Variants in TMEM182 observed in about 807,000 individuals in gnomAD.
TMEM182 encodes transmembrane protein 182.
In TMEM182, 20 loss-of-function variants were observed where a neutral mutation model predicts 26.8. The ratio of observed to expected loss-of-function variants is 0.75; its 90% CI spans 0.53 to 1.09. TMEM182 has a LOEUF of 1.09. Ranked by LOEUF, TMEM182 falls within the 50% of genes least tolerant of loss-of-function variation. TMEM182 has a pLI of 0.00. For missense variants in TMEM182, 277 were observed against 275.5 expected (o/e 1.01, Z -0.04); for synonymous variants, 109 against 102.2 (o/e 1.07, Z -0.40).
At chr2:102,795,093 C>T (rs2540282) in intron 3 of TMEM182, among the ~76,000 whole-genome samples, 46,308 of 151,992 alleles carry the variant, frequency 0.3, 7,247 homozygotes, top group South Asian at 0.42. Flanking sequence ...GAGTCCATTG[C>T]ATGGGTTTAA....
chr2:102,813,268 C>T (rs766508458), intron 4 of TMEM182, among the ~76,000 whole-genome samples: 2 of 152,136 alleles, frequency 1.3e-5, no homozygotes, highest in Non-Finnish European at 2.9e-5. Flanking sequence ...ATTGATGGCC[C>T]AGGAGAGAGA....
chr2:102,829,833 T>G (rs540784333), intron 3 of TMEM182, among the ~76,000 whole-genome samples: 4 of 152,180 alleles, frequency 2.6e-5, no homozygotes, highest in Non-Finnish European at 5.9e-5. Flanking sequence ...ATCACATATT[T>G]TGCTTGACCA....
At chr2:102,791,825 G>A (rs1055113828) in intron 3 of TMEM182, among the ~76,000 whole-genome samples, 1 of 151,924 alleles carries the variant, frequency 6.6e-6, no homozygotes, top group Non-Finnish European at 1.5e-5. Context: ...CTTCTACTAG[G>A]CACAGTCCAA....
In TMEM182 at chr2:102,814,962, T is replaced by A; in HGVS notation, c.684T>A (p.His228Gln). 1 of 1,613,738 alleles carries A rather than the reference T, an allele frequency of 6.2e-7. No homozygotes were observed. Among genetic ancestry groups the A allele is most frequent in the South Asian group, 1.1e-5 (1 of 91,034 alleles). Residue 228 changes from histidine (H) to glutamine (Q), a missense_variant, in exon 5 of 5, where the codon CAT becomes CAA. Physicochemically the swap from His to Gln is conservative, Grantham distance 24. Coordinates refer to ENST00000412401, the MANE Select transcript of TMEM182 (RefSeq NM_144632.5). ...TTGTTGGATGGCATATTCAGATACATCACTAAATCAACTGTTGCCACAAGT... is the reference window on the plus strand; with the variant it reads ...TTGTTGGATGGCATATTCAGATACAACACTAAATCAACTGTTGCCACAAGT... ...FLVVGWHIQI[H>Q]H
intron 3 of TMEM182, chr2:102,797,636 A>G (rs1681924091): frequency 1.8e-5 from 9 of 494,826 alleles, no homozygotes; most frequent in Non-Finnish European, 2.8e-5. Context: ...TGGTACAAAC[A>G]TTGAGCAAGA....
At chr2:102,797,074 T>C (rs1385237658) in intron 3 of TMEM182, among the ~76,000 whole-genome samples, 1 of 152,216 alleles carries the variant, frequency 6.6e-6, no homozygotes, top group African/African-American at 2.4e-5. Context: ...TTCCTTTTTG[T>C]TTGATTACCA....
In TMEM182 at chr2:102,762,041, G is replaced by A; in HGVS notation, c.-177G>A. The A allele has an allele frequency of 1.9e-6, 1 of 531,682 alleles. No individual in the cohort carries two copies. The highest frequency in any genetic ancestry group is 2.1e-5 in the South Asian group (1 of 46,798). The allele number at this position is 531,682 out of a possible 1,614,324, so 32.9% of individuals were successfully genotyped here. ...GAGCAAAGGGAATATGAATCTGCCG[G>A]TGGGGCGTGAGCGAGAAGCCACCAA... is the stretch of plus-strand genomic sequence containing the variant. On this transcript the variant is annotated 5_prime_UTR_variant, in exon 1 of 5. The change creates a new upstream start codon in the 5' untranslated region. Transcript: ENST00000412401.
At chr2:102,823,868 C>T (rs972692749) in intron 3 of TMEM182, among the ~76,000 whole-genome samples, 2 of 152,226 alleles carry the variant, frequency 1.3e-5, no homozygotes, top group Non-Finnish European at 2.9e-5. Flanking sequence ...AATGGGAATA[C>T]TCAGCTTTCT....
At chr2:102,746,281 C>A (rs1032086061) in intron 1 of TMEM182, among the ~76,000 whole-genome samples, 1 of 151,272 alleles carries the variant, frequency 6.6e-6, no homozygotes, top group African/African-American at 2.4e-5. Flanking sequence ...TTTTTAATTG[C>A]GATTTTTTTT....
intron 1 of TMEM182, among the ~76,000 whole-genome samples, chr2:102,750,600 A>G (rs1679850123): frequency 6.6e-6 from 1 of 152,200 alleles, no homozygotes; most frequent in Non-Finnish European, 1.5e-5. Flanking sequence ...GGGTGAATGA[A>G]TAAGAACTTG....
chr2:102,765,706 A>G (rs1488914734), intron 3 of TMEM182, among the ~76,000 whole-genome samples: 1 of 152,212 alleles, frequency 6.6e-6, no homozygotes. Context: ...TAGGACACTT[A>G]TAAAGAGGGT....
chr2:102,801,572 A>G (rs1028899591), intron 4 of TMEM182, among the ~76,000 whole-genome samples: 2 of 152,178 alleles, frequency 1.3e-5, no homozygotes, highest in African/African-American at 2.4e-5. Context: ...AACCGTTGCT[A>G]TGGTGCCCAG....
chr2:102,805,029 G>A (rs1164383161), intron 4 of TMEM182, among the ~76,000 whole-genome samples: 1 of 152,176 alleles, frequency 6.6e-6, no homozygotes, highest in Non-Finnish European at 1.5e-5. Flanking sequence ...TTTTAATGTG[G>A]ATTTTCCAAC....
At chr2:102,774,656 ACT>A (rs1343123117) in intron 3 of TMEM182, among the ~76,000 whole-genome samples, 7 of 151,680 alleles carry the variant, frequency 4.6e-5, no homozygotes, top group African/African-American at 1.5e-4. Context: ...TGTGAGTCTC[ACT>A]CTTTTTTTGA....
At chr2:102,838,102 A>G (rs1683280895) in intron 3 of TMEM182, among the ~76,000 whole-genome samples, 2 of 152,202 alleles carry the variant, frequency 1.3e-5, no homozygotes, top group Non-Finnish European at 2.9e-5. Context: ...AAATTCATGA[A>G]GTCTTATTCC....
At chr2:102,764,189 C>G in intron 2 of TMEM182, 140 bp from the exon 3 acceptor site, 1 of 773,922 alleles carries the variant, frequency 1.3e-6, no homozygotes, top group South Asian at 1.8e-5. Flanking sequence ...CTCCTCACAA[C>G]AATTCGCTGA....
rs1315032720 is a variant in TMEM182 at position 102,815,936 on chromosome 2, A to G, written c.*968A>G. ...CTTTATTAAAGACCATAAAATATTAACTTTCCCCAAGATGTTATGGGTTCC... is the reference window on the plus strand; with the variant it reads ...CTTTATTAAAGACCATAAAATATTAGCTTTCCCCAAGATGTTATGGGTTCC... On this transcript the variant is annotated 3_prime_UTR_variant, in exon 5 of 5. Transcript: ENST00000412401. 1.0e-5 allele frequency: 10 copies of G among 980,776 alleles called. No individual in the cohort carries two copies. The highest frequency in any genetic ancestry group is 1.1e-5 in the Non-Finnish European group (9 of 825,874). The allele number at this position is 980,776 out of a possible 1,614,324, so 60.8% of individuals were successfully genotyped here.
At chr2:102,747,667 G>T (rs1278752442) in intron 1 of TMEM182, among the ~76,000 whole-genome samples, 1 of 151,894 alleles carries the variant, frequency 6.6e-6, no homozygotes, top group Non-Finnish European at 1.5e-5. Flanking sequence ...ACAACAACAG[G>T]ATCTTTAAAG....
In TMEM182 at chr2:102,762,654, A is replaced by T. The variant is rs745438301; in HGVS notation, c.200A>T (p.Glu67Val). Reference sequence around the variant, plus strand: ...TGTTGGTTTAATGGGATTGTGGAAGAGAATGACTCCAATATTTGGAAGTTC... The same window carrying T: ...TGTTGGTTTAATGGGATTGTGGAAGTGAATGACTCCAATATTTGGAAGTTC... ...WRCWFNGIVE[E>V]NDSNIWKFWY... The change falls in exon 2 of 5, where the codon GAG (glutamate) becomes GTG (valine). Residue 67 changes from glutamate to valine, a missense_variant. Physicochemically the swap from Glu to Val is moderately radical, Grantham distance 121. Coordinates refer to ENST00000412401, the MANE Select transcript of TMEM182 (RefSeq NM_144632.5). 6.2e-7 allele frequency: 1 copy of T among 1,613,940 alleles called. No individual in the cohort carries two copies. The highest frequency in any genetic ancestry group is 8.5e-7 in the Non-Finnish European group (1 of 1,179,920).
Sources: allele counts gnomAD v4.1 joint callset (sites outside exome capture counted in the v4.1 genomes callset), GRCh38; gene constraint gnomAD v4.1.1; transcripts MANE v1.5; gene names NCBI Gene and HGNC (gene_info 2026-07-23, HGNC 2026-07-21).